MACF1: variants seen among roughly 807,000 people sequenced by gnomAD.
MACF1 encodes microtubule actin crosslinking factor 1.
Under a neutral mutation model 854.8 loss-of-function variants are expected in MACF1, and 193 were observed. The observed-to-expected ratio is 0.23, with a 90% CI of 0.20 to 0.25. The LOEUF (loss-of-function observed/expected upper bound fraction) is 0.25. Among genes scored for constraint, MACF1 ranks in the 10% least tolerant of loss-of-function variants. The probability of loss-of-function intolerance (pLI) is 1.00; values close to 1 mark genes in which losing one functional copy is unlikely to be tolerated. For missense variants in MACF1, 7,722 were observed against 8,929.1 expected (o/e 0.86, Z 5.45); for synonymous variants, 3,185 against 3,226.7 (o/e 0.99, Z 0.44).
At chr1:39,118,135 G>A (rs565676287) in intron 2 of MACF1, among the ~76,000 whole-genome samples, 1 of 152,374 alleles carries the variant, frequency 6.6e-6, no homozygotes, top group African/African-American at 2.4e-5. Flanking sequence ...GAGAGTGCCT[G>A]GAAGGCTTGG....
At chr1:39,298,733 GA>G (rs1357850039) in intron 21 of MACF1, 21 of 396,682 alleles carry the variant, frequency 5.3e-5, no homozygotes, top group Non-Finnish European at 1.0e-4. Context: ...AATTTGGAAT[GA>G]AGGATGAAAA....
At chr1:39,312,000 C>T (rs1376691876) in intron 26 of MACF1, among the ~76,000 whole-genome samples, 1 of 152,124 alleles carries the variant, frequency 6.6e-6, no homozygotes, top group African/African-American at 2.4e-5. Flanking sequence ...TGAGGCATAT[C>T]ATATGAGCCT....
Position 39,434,562 on chromosome 1 carries a change from C to T in MACF1, c.17714C>T (p.Ala5905Val). ...ELSPWIEETR[A>V]LIAQLPSPAI... Reference sequence around the variant, plus strand: ...AGCCCCTGGATTGAGGAAACTCGGGCACTAATAGCACAGTTACCCTCTCCA... The same window carrying T: ...AGCCCCTGGATTGAGGAAACTCGGGTACTAATAGCACAGTTACCCTCTCCA... Residue 5905 changes from alanine (A) to valine (V), a missense_variant, in exon 69 of 101, where the codon GCA becomes GTA. Ala to Val is a moderately conservative substitution (Grantham distance 64). This residue lies in a region of MACF1 where 2,807 missense variants were observed against 3,235.8 expected (regional missense o/e 0.87). Coordinates refer to ENST00000564288, the MANE Select transcript of MACF1 (RefSeq NM_001394062.1). 2 of 1,614,064 alleles carry T rather than the reference C, an allele frequency of 1.2e-6. No homozygotes were observed. Among genetic ancestry groups the T allele is most frequent in the Non-Finnish European group, 1.7e-6 (2 of 1,180,030 alleles).
intron 2 of MACF1, among the ~76,000 whole-genome samples, chr1:39,150,144 A>G (rs1643548543): frequency 1.3e-5 from 2 of 151,914 alleles, no homozygotes; most frequent in Non-Finnish European, 2.9e-5. Context: ...CAGCTTCCCA[A>G]GTAGCTGGGG....
In MACF1 at chr1:39,190,102, G is replaced by T. The variant is rs1644231475; in HGVS notation, c.221-41080G>T. On this transcript the variant is annotated intron_variant, in intron 2 of 93. Coordinates refer to the MACF1 transcript ENST00000361689. ...GTCTCTAGTTCTGTAATGTCTAAAT[G>T]CATTGATAAAATCTGATATGTGCTT... 3.9e-5 allele frequency among the ~76,000 whole-genome samples: 6 copies of T among 152,224 alleles called. 1 individual carries two copies. The highest frequency in any genetic ancestry group is 1.4e-4 in the African/African-American group (6 of 41,526).
rs745683838 is a variant in MACF1, at chr1:39,437,959, G to C, written c.18171G>C (p.Glu6057Asp). The C allele has an allele frequency of 9.3e-6, 15 of 1,614,010 alleles. No individual in the cohort carries two copies. The highest frequency in any genetic ancestry group is 1.3e-5 in the Non-Finnish European group (15 of 1,180,022). ...TTGAGGCCTTGAAGCGCCGTGGAGA[G>C]GAGCTTATTGGACGATCTCAGGGAG... Reference protein sequence around the residue: ...PSFEALKRRGEELIGRSQGAD... With the variant: ...PSFEALKRRGDELIGRSQGAD... The change falls in exon 71 of 101, where the codon GAG becomes GAC. Residue 6057 changes from glutamate to aspartate, a missense_variant. By Grantham distance (45) the Glu-to-Asp change is conservative. Around this residue, in one of 15 missense-constraint regions of MACF1, gnomAD observed 2,807 missense variants for 3,235.8 expected, o/e 0.87. Transcript: ENST00000564288.
intron 2 of MACF1, among the ~76,000 whole-genome samples, chr1:39,150,828 T>C (rs1643563696): frequency 6.6e-6 from 1 of 152,222 alleles, no homozygotes; most frequent in Non-Finnish European, 1.5e-5. Context: ...CCTCTCCTGA[T>C]TTTCTTTCTT....
At chr1:39,433,275 T>C (rs1643907012) in intron 68 of MACF1, 120 bp downstream of exon 68, 1 of 579,492 alleles carries the variant, frequency 1.7e-6, no homozygotes, top group African/African-American at 1.9e-5. Context: ...ATGATTGTTA[T>C]TAAAGTCCAG....
In MACF1 at chr1:39,444,754, G is replaced by A. The variant is rs1644190497; in HGVS notation, c.19524G>A (p.Gly6508=). 1 of 1,614,142 alleles carries A rather than the reference G, an allele frequency of 6.2e-7. No individual in the cohort carries two copies. ...RLMLLSRDDS[G]SGSKTEQSVA... ...TGCTTCTAAGCCGTGACGACTCTGG[G>A]TCTGGCTCCAAGACAGAACAGAGTG... Residue 6508 remains glycine (G), a synonymous_variant, in exon 80 of 101, where the codon GGG becomes GGA. Transcript: ENST00000564288.
chr1:39,186,577 A>G (rs1054351962), intron 2 of MACF1, among the ~76,000 whole-genome samples: 1 of 151,932 alleles, frequency 6.6e-6, no homozygotes, highest in African/African-American at 2.4e-5. Context: ...AAATATTACT[A>G]TAAGGCATAT....
At chr1:39,232,701 A>G (rs893125070) in intron 2 of MACF1, among the ~76,000 whole-genome samples, 10 of 150,930 alleles carry the variant, frequency 6.6e-5, no homozygotes, top group Non-Finnish European at 1.2e-4. Context: ...GCTGGGCTTT[A>G]TGAAAACTAA....
intron 42 of MACF1, 111 bp downstream of exon 42, chr1:39,349,738 T>A: frequency 2.7e-6 from 3 of 1,118,136 alleles, no homozygotes; most frequent in Non-Finnish European, 3.7e-6. Context: ...GCTCAGGCAA[T>A]CCTCCCACCT....
chr1:39,237,755 C>A (rs528884309), intron 2 of MACF1, among the ~76,000 whole-genome samples: 1 of 150,526 alleles, frequency 6.6e-6, no homozygotes, highest in Non-Finnish European at 1.5e-5. Flanking sequence ...ATTAATTAAA[C>A]GTAAGGTAAA....
intron 58 of MACF1, chr1:39,413,797 A>G: frequency 6.2e-7 from 1 of 1,609,892 alleles, no homozygotes; most frequent in Non-Finnish European, 8.5e-7. Context: ...TGCAGTGCCC[A>G]CCCCAGCAGA....
chr1:39,103,250 G>A, intron 2 of MACF1: 1 of 336,662 alleles, frequency 3.0e-6, no homozygotes, highest in South Asian at 2.5e-5. Context: ...CTTCACCTTT[G>A]GCAAGCATCA....
chr1:39,180,011 T>C (rs182621418), intron 2 of MACF1, among the ~76,000 whole-genome samples: 5 of 151,758 alleles, frequency 3.3e-5, no homozygotes, highest in Non-Finnish European at 1.5e-5. Context: ...CAAGACTCTG[T>C]TTCAAAAATG....
chr1:39,406,756 A>AAACAAAAAAAAAAAAAAAAAAAAAAAC (rs1642727882), intron 58 of MACF1, among the ~76,000 whole-genome samples: 1 of 116,058 alleles, frequency 8.6e-6, no homozygotes, highest in African/African-American at 3.8e-5. Flanking sequence ...AAAAAAAAAA[A>AAACAAAAAAAAAAAAAAAAAAAAAAAC]AACATTCTTT....
intron 70 of MACF1, 45 bp from the exon 71 acceptor site, chr1:39,437,732 A>G: frequency 7.5e-7 from 1 of 1,338,028 alleles, no homozygotes; most frequent in Non-Finnish European, 1.1e-6. Flanking sequence ...CTCCAAGAAG[A>G]GTGATGAGGT....
At chr1:39,421,216 C>G (rs1643524885) in intron 58 of MACF1, among the ~76,000 whole-genome samples, 1 of 151,908 alleles carries the variant, frequency 6.6e-6, no homozygotes, top group Admixed American at 6.5e-5. Flanking sequence ...ACCCTTTTTT[C>G]CTTTTAGACA....
Sources: allele counts gnomAD v4.1 joint callset (sites outside exome capture counted in the v4.1 genomes callset), GRCh38; gene constraint gnomAD v4.1.1; regional missense constraint gnomAD v4.1.1; transcripts MANE v1.5; gene names NCBI Gene and HGNC (gene_info 2026-07-23, HGNC 2026-07-21).